MRPS28: variants seen among roughly 807,000 people sequenced by gnomAD.
MRPS28 encodes small ribosomal subunit protein bS1m.
In MRPS28, 7 loss-of-function variants were observed where a neutral mutation model predicts 10.8. That is an observed-to-expected ratio of 0.65 (90% confidence interval 0.37 to 1.22). The LOEUF (loss-of-function observed/expected upper bound fraction) is 1.22, where lower values mean the gene tolerates loss of function less well. MRPS28 is among the 50% of genes most tolerant of loss of function. MRPS28 has a pLI of 0.02. For synonymous variants in MRPS28, 121 were observed against 93.3 expected, an observed-to-expected ratio of 1.30 and a Z score of -1.71; for missense variants, 265 against 232.9, an observed-to-expected ratio of 1.14 and a Z score of -0.90.
In MRPS28 at chr8:80,030,068, C is replaced by T; in HGVS notation, c.181G>A (p.Glu61Lys). The change falls in exon 1 of 3, where the codon GAG (glutamate) becomes AAG (lysine). Residue 61 changes from glutamate (E) to lysine (K), a missense_variant. Transcript: ENST00000276585. ...AGGGGCTCCACCTTCTGTAGAAGCT[C>T]CGAGTGCCGCTCCAACGCGCTCGCG... is the stretch of plus-strand genomic sequence containing the variant. ...GFASALERHSELLQKVEPLQK... is the reference protein window; with the variant it reads ...GFASALERHSKLLQKVEPLQK... 6.2e-7 allele frequency: 1 copy of T among 1,613,638 alleles called. No homozygotes were observed. Among genetic ancestry groups the T allele is most frequent in the Non-Finnish European group, 8.5e-7 (1 of 1,179,760 alleles).
chr8:79,935,455 G>C (rs1342420218), intron 2 of MRPS28, among the ~76,000 whole-genome samples: 1 of 150,966 alleles, frequency 6.6e-6, no homozygotes, highest in Non-Finnish European at 1.5e-5. Flanking sequence ...TTGTTTGTTT[G>C]TTTAACACAA....
At chr8:80,009,829 C>T (rs540372593) in intron 1 of MRPS28, among the ~76,000 whole-genome samples, 7 of 152,140 alleles carry the variant, frequency 4.6e-5, no homozygotes, top group Admixed American at 4.6e-4. Flanking sequence ...GACTTTATTC[C>T]TAGCACTGAC....
chr8:80,023,228 C>A (rs1809413187), intron 1 of MRPS28, among the ~76,000 whole-genome samples: 1 of 152,156 alleles, frequency 6.6e-6, no homozygotes. Flanking sequence ...AAACATTTTC[C>A]ATCATTCCTT....
chr8:79,989,251 T>C (rs1808285833), intron 2 of MRPS28, among the ~76,000 whole-genome samples: 1 of 152,146 alleles, frequency 6.6e-6, no homozygotes. Flanking sequence ...AGAAAAAATT[T>C]AAGGTAAGAA....
chr8:79,963,847 G>A (rs1807435311), intron 2 of MRPS28, among the ~76,000 whole-genome samples: 4 of 152,072 alleles, frequency 2.6e-5, no homozygotes, highest in Admixed American at 2.6e-4. Context: ...GTGGCCAGCA[G>A]TTGTATCCAT....
chr8:80,007,929 G>C (rs1279702246), intron 1 of MRPS28, among the ~76,000 whole-genome samples: 2 of 152,052 alleles, frequency 1.3e-5, no homozygotes, highest in Admixed American at 1.3e-4. Context: ...CTACTTTCAA[G>C]TTCATATGGA....
chr8:80,016,824 G>A (rs959120001), intron 1 of MRPS28, among the ~76,000 whole-genome samples: 3 of 151,998 alleles, frequency 2.0e-5, no homozygotes, highest in Admixed American at 1.3e-4. Flanking sequence ...TGACAAAACT[G>A]CAAGGAAAAA....
intron 2 of MRPS28, 103 bp downstream of exon 2, chr8:80,002,896 T>G: frequency 1.0e-6 from 1 of 979,856 alleles, no homozygotes; most frequent in Non-Finnish European, 1.5e-6. Flanking sequence ...CAAATAAATA[T>G]GTTTTCTGTC....
At chr8:79,987,399 T>C (rs1025526369) in intron 2 of MRPS28, among the ~76,000 whole-genome samples, 1 of 152,142 alleles carries the variant, frequency 6.6e-6, no homozygotes, top group Non-Finnish European at 1.5e-5. Flanking sequence ...CCAAAAGCAA[T>C]GGCAACAAAA....
At chr8:79,943,858 C>T (rs192796039) in intron 2 of MRPS28, among the ~76,000 whole-genome samples, 39 of 152,184 alleles carry the variant, frequency 2.6e-4, no homozygotes, top group African/African-American at 8.2e-4. Context: ...GGTCAAGATG[C>T]CTGCAATTTA....
In MRPS28 at chr8:79,919,011, G is replaced by T; in HGVS notation, c.533C>A (p.Ser178Ter). The change falls in exon 3 of 3, where the codon TCA becomes TAA. Residue 178 changes from serine (S) to a stop codon, truncating the protein, a stop_gained. Coordinates refer to ENST00000276585, the MANE Select transcript of MRPS28 (RefSeq NM_014018.3). LOFTEE classifies it high-confidence loss of function. ...TTCATGATGTTCTTCTTTCGATCTTGAGTCTTTACTCTCCTGGATTCCCAA... is the reference window on the plus strand; with the variant it reads ...TTCATGATGTTCTTCTTTCGATCTTTAGTCTTTACTCTCCTGGATTCCCAA... ...VLLGIQESKDSRSKEEHHEK is the reference protein window; with the variant it reads ...VLLGIQESKD The T allele has an allele frequency of 6.4e-7, 1 of 1,572,844 alleles. No individual in the cohort carries two copies. The highest frequency in any genetic ancestry group is 8.6e-7 in the Non-Finnish European group (1 of 1,163,768).
At chr8:80,003,563 G>C (rs934885213) in intron 1 of MRPS28, among the ~76,000 whole-genome samples, 1 of 152,192 alleles carries the variant, frequency 6.6e-6, no homozygotes, top group African/African-American at 2.4e-5. Flanking sequence ...ACAGCTCCCA[G>C]CGTGAGTGAC....
intron 2 of MRPS28, among the ~76,000 whole-genome samples, chr8:79,962,232 CA>C (rs1807389798): frequency 6.6e-6 from 1 of 151,916 alleles, no homozygotes; most frequent in South Asian, 2.1e-4. Flanking sequence ...ACCGAGGATA[CA>C]AGAGGTGATC....
At chr8:79,933,469 T>C (rs911347900) in intron 2 of MRPS28, among the ~76,000 whole-genome samples, 3 of 152,212 alleles carry the variant, frequency 2.0e-5, no homozygotes, top group South Asian at 2.1e-4. Flanking sequence ...CTTCAACATA[T>C]AAATTTTGGG....
In MRPS28 at chr8:80,030,240, C is replaced by G; in HGVS notation, c.9G>C (p.Ala3=). 1 of 1,614,108 alleles carries G rather than the reference C, an allele frequency of 6.2e-7. No individual in the cohort carries two copies. Among genetic ancestry groups the G allele is most frequent in the East Asian group, 2.2e-5 (1 of 44,882 alleles). ...CAGCCACAGCACGGGTCCGACACAG[C>G]GCCGCCATGACTTCTTTACCTCTGA... is the stretch of plus-strand genomic sequence containing the variant. MA[A]LCRTRAVAAE... is the part of the protein sequence containing the mutation. Residue 3 remains alanine, a synonymous_variant, in exon 1 of 3, where the codon GCG becomes GCC. Coordinates refer to ENST00000276585, the MANE Select transcript of MRPS28 (RefSeq NM_014018.3).
At chr8:79,995,970 T>C (rs1285446195) in intron 2 of MRPS28, among the ~76,000 whole-genome samples, 1 of 151,460 alleles carries the variant, frequency 6.6e-6, no homozygotes, top group East Asian at 1.9e-4. Context: ...AACTGGAGGG[T>C]TATATGGTTA....
chr8:79,927,570 G>C (rs1806325861), intron 2 of MRPS28, among the ~76,000 whole-genome samples: 1 of 152,086 alleles, frequency 6.6e-6, no homozygotes, highest in Admixed American at 6.6e-5. Flanking sequence ...AGGTATTGTT[G>C]AATTTTCAAT....
chr8:80,009,166 A>G, intron 1 of MRPS28, among the ~76,000 whole-genome samples: 1 of 152,164 alleles, frequency 6.6e-6, no homozygotes, highest in East Asian at 1.9e-4. Context: ...TCAGCAAACT[A>G]TTGCAAGGAC....
intron 2 of MRPS28, among the ~76,000 whole-genome samples, chr8:79,927,244 C>T (rs1171519903): frequency 6.6e-6 from 1 of 152,224 alleles, no homozygotes; most frequent in African/African-American, 2.4e-5. Context: ...TAAGGTTGTA[C>T]TTTCATGACC....
Sources: allele counts gnomAD v4.1 joint callset (sites outside exome capture counted in the v4.1 genomes callset), GRCh38; gene constraint gnomAD v4.1.1; transcripts MANE v1.5; gene names NCBI Gene and HGNC (gene_info 2026-07-23, HGNC 2026-07-21).